The following THSD7B variants were observed in gnomAD, a reference collection of about 807,000 sequenced individuals.
THSD7B encodes the protein thrombospondin type 1 domain containing 7B.
THSD7B carries 138 observed loss-of-function variants against 213.6 expected under a neutral mutation model. The observed-to-expected ratio is 0.65, with a 90% CI of 0.56 to 0.74. The LOEUF (loss-of-function observed/expected upper bound fraction) is 0.74. Ranked by LOEUF, THSD7B falls within the 30% of genes least tolerant of loss-of-function variation. THSD7B has a pLI of 0.00. For missense variants in THSD7B, 1,931 were observed against 1,991.5 expected (o/e 0.97, Z 0.58); for synonymous variants, 742 against 687.0 (o/e 1.08, Z -1.25).
chr2:136,810,616 C>A (rs953898503), intron 1 of THSD7B, among the ~76,000 whole-genome samples: 1 of 152,166 alleles, frequency 6.6e-6, no homozygotes, highest in African/African-American at 2.4e-5. Context: ...GGTTTCTTTA[C>A]CGAAGGTTGA....
At chr2:136,872,174 C>T (rs971157030) in intron 1 of THSD7B, among the ~76,000 whole-genome samples, 18 of 152,080 alleles carry the variant, frequency 1.2e-4, no homozygotes, top group African/African-American at 4.3e-4. Flanking sequence ...TTTATTTGCT[C>T]ACAAAACAGG....
At chr2:137,308,654 T>C (rs1573949990) in intron 12 of THSD7B, among the ~76,000 whole-genome samples, 3 of 152,202 alleles carry the variant, frequency 2.0e-5, no homozygotes, top group Admixed American at 2.0e-4. Flanking sequence ...TATAAGAATA[T>C]TATATGTTTT....
intron 2 of THSD7B, among the ~76,000 whole-genome samples, chr2:136,944,838 A>G (rs2105064512): frequency 6.7e-6 from 1 of 149,990 alleles, no homozygotes; most frequent in South Asian, 2.1e-4. Context: ...TTGACTCTTT[A>G]TCCAATTTGC....
chr2:136,830,376 A>G (rs1682732038), intron 1 of THSD7B, among the ~76,000 whole-genome samples: 1 of 151,000 alleles, frequency 6.6e-6, no homozygotes, highest in Non-Finnish European at 1.5e-5. Context: ...AAATGAGAAA[A>G]TTAACCAAAC....
At chr2:137,572,922 C>T (rs1681386435) in intron 17 of THSD7B, among the ~76,000 whole-genome samples, 1 of 152,022 alleles carries the variant, frequency 6.6e-6, no homozygotes, top group African/African-American at 2.4e-5. Context: ...CTGGCAGAAT[C>T]AATTACATCT....
chr2:137,158,852 A>G (rs1679957204), intron 5 of THSD7B, among the ~76,000 whole-genome samples: 1 of 152,192 alleles, frequency 6.6e-6, no homozygotes, highest in Non-Finnish European at 1.5e-5. Context: ...AGTGTGCTCA[A>G]CTGAATAGAA....
intron 12 of THSD7B, among the ~76,000 whole-genome samples, chr2:137,386,095 A>G (rs926453998): frequency 1.3e-5 from 2 of 152,146 alleles, no homozygotes; most frequent in African/African-American, 4.8e-5. Context: ...AGTCTGTCAC[A>G]TTGCTTGTTT....
At chr2:137,464,536 G>A (rs966643789) in intron 15 of THSD7B, among the ~76,000 whole-genome samples, 16 of 152,070 alleles carry the variant, frequency 1.1e-4, no homozygotes, top group Non-Finnish European at 8.8e-5. Flanking sequence ...CAGGGAGCTG[G>A]AATATTCATA....
intron 15 of THSD7B, among the ~76,000 whole-genome samples, chr2:137,475,408 T>G (rs1688172693): frequency 6.6e-6 from 1 of 152,184 alleles, no homozygotes; most frequent in South Asian, 2.1e-4. Context: ...TTCTACTCTC[T>G]TATTAAACAT....
chr2:136,832,584 C>G (rs1436551801), intron 1 of THSD7B, among the ~76,000 whole-genome samples: 1 of 152,154 alleles, frequency 6.6e-6, no homozygotes, highest in Non-Finnish European at 1.5e-5. Flanking sequence ...ACTGGGCACC[C>G]AATCTCCCAG....
chr2:136,901,543 T>G (rs1173781070), intron 2 of THSD7B, among the ~76,000 whole-genome samples: 1 of 152,210 alleles, frequency 6.6e-6, no homozygotes, highest in African/African-American at 2.4e-5. Context: ...AAATGGGAAA[T>G]TTGAGAAGAA....
chr2:137,440,328 T>C (rs973087862), intron 14 of THSD7B, among the ~76,000 whole-genome samples: 1 of 152,140 alleles, frequency 6.6e-6, no homozygotes, highest in African/African-American at 2.4e-5. Flanking sequence ...TGGCTCCTTT[T>C]GAAGATTTCA....
chr2:137,014,860 G>C (rs984536034), intron 2 of THSD7B, among the ~76,000 whole-genome samples: 5 of 152,012 alleles, frequency 3.3e-5, no homozygotes, highest in Admixed American at 6.6e-5. Context: ...TCAGCCAGCT[G>C]TCTCTTCTAG....
chr2:136,894,975 T>C (rs184684564), intron 2 of THSD7B, among the ~76,000 whole-genome samples: 1 of 152,296 alleles, frequency 6.6e-6, no homozygotes, highest in African/African-American at 2.4e-5. Flanking sequence ...CCAGGCAGAA[T>C]GTAGTCTCAA....
chr2:136,797,520 C>T (rs537580454), intron 1 of THSD7B, among the ~76,000 whole-genome samples: 2 of 151,926 alleles, frequency 1.3e-5, no homozygotes, highest in Admixed American at 6.6e-5. Flanking sequence ...TTAGTTAAAA[C>T]GAGCTTGTTC....
intron 2 of THSD7B, among the ~76,000 whole-genome samples, chr2:136,940,681 C>T (rs1341975115): frequency 3.3e-5 from 5 of 149,298 alleles, no homozygotes; most frequent in African/African-American, 4.9e-5. Flanking sequence ...AGTGAGCCAC[C>T]GTGTCTGGCT....
At chr2:137,640,781 A>G (rs955994043) in intron 20 of THSD7B, among the ~76,000 whole-genome samples, 1 of 152,260 alleles carries the variant, frequency 6.6e-6, no homozygotes, top group Non-Finnish European at 1.5e-5. Flanking sequence ...ACACATTTGC[A>G]TATAACATAA....
intron 2 of THSD7B, among the ~76,000 whole-genome samples, chr2:137,007,738 A>C (rs1267980539): frequency 6.6e-6 from 1 of 152,166 alleles, no homozygotes; most frequent in African/African-American, 2.4e-5. Context: ...AAGGTATACA[A>C]CAGTAATGTT....
At chr2:137,283,739 G>T (rs1295999812) in intron 12 of THSD7B, among the ~76,000 whole-genome samples, 5 of 152,114 alleles carry the variant, frequency 3.3e-5, no homozygotes, top group Non-Finnish European at 7.3e-5. Flanking sequence ...TTGCATCCCA[G>T]GAATGAAGCC....
Sources: gnomAD v4.1 joint callset for allele counts (sites outside exome capture counted in the v4.1 genomes callset) on GRCh38, gnomAD v4.1.1 for gene constraint, MANE v1.5 for transcripts, NCBI Gene and HGNC (gene_info 2026-07-23, HGNC 2026-07-21) for gene names.